MDN1: variants seen among roughly 807,000 people sequenced by gnomAD.
The protein encoded by MDN1 is midasin AAA ATPase 1.
Under a neutral mutation model 669.2 loss-of-function variants are expected in MDN1, and 266 were observed. The ratio of observed to expected loss-of-function variants is 0.40; its 90% confidence interval spans 0.36 to 0.44. MDN1 has a LOEUF of 0.44. MDN1 is among the 20% of genes least tolerant of loss of function. The probability of loss-of-function intolerance (pLI) is 1.00; values close to 1 mark genes in which losing one functional copy is unlikely to be tolerated. For missense variants in MDN1, 5,940 were observed against 6,754.0 expected (o/e 0.88, Z 4.22); for synonymous variants, 2,385 against 2,457.1 (o/e 0.97, Z 0.87).
Position 89,658,624 on chromosome 6 carries a change from C to T in MDN1, c.15007G>A (p.Gly5003Ser), listed in dbSNP as rs1454148074. 6.2e-7 allele frequency: 1 copy of T among 1,606,944 alleles called. No homozygotes were observed. Residue 5003 changes from glycine to serine, a missense_variant, in exon 89 of 102, where the codon GGT becomes AGT. Physicochemically the swap from Gly to Ser is moderately conservative, Grantham distance 56. This residue lies in a region of MDN1 where 2,280 missense variants were observed against 2,576.3 expected (regional missense o/e 0.88). Transcript: ENST00000369393. ...EGGENGPADQ[G>S]FQPQEEEERE... ...TCTCATGATACCTGGGGCTGGAAAC[C>T]TTGGTCAGCAGGGCCATTCTCTCCA...
chr6:89,673,207 TC>T, intron 80 of MDN1, 28 bp downstream of exon 80: 1 of 1,560,512 alleles, frequency 6.4e-7, no homozygotes, highest in Non-Finnish European at 8.8e-7. Context: ...CACTGGACTT[TC>T]ATTCCCTGAC....
rs1817880879 is a variant in MDN1, at chr6:89,767,918, G to A, written c.2144+3643C>T. Among the ~76,000 whole-genome samples, 2 of 151,950 alleles carry A rather than the reference G, an allele frequency of 1.3e-5. 1 individual carries two copies. The highest frequency in any genetic ancestry group is 4.1e-4 in the South Asian group (2 of 4,822). On this transcript the variant is annotated intron_variant, in intron 15 of 101. Coordinates refer to ENST00000369393, the MANE Select transcript of MDN1 (RefSeq NM_014611.3). ...TAGCTGGGTATGGTGGCACATGCCTGTAGTCCCAACTACTCAGGAGGGCCT... is the reference window on the plus strand; with the variant it reads ...TAGCTGGGTATGGTGGCACATGCCTATAGTCCCAACTACTCAGGAGGGCCT...
Position 89,673,303 on chromosome 6 carries a change from T to G in MDN1, c.13407A>C (p.Glu4469Asp), listed in dbSNP as rs769599075. 3 of 1,614,218 alleles carry G rather than the reference T, an allele frequency of 1.9e-6. No individual in the cohort carries two copies. Among genetic ancestry groups the G allele is most frequent in the Non-Finnish European group, 2.5e-6 (3 of 1,180,026 alleles). The change falls in exon 80 of 102, where the codon GAA (glutamate) becomes GAC (aspartate). Residue 4469 changes from glutamate (E) to aspartate (D), a missense_variant. This residue lies in a region of MDN1 where 2,280 missense variants were observed against 2,576.3 expected (regional missense o/e 0.88). Transcript: ENST00000369393. ...LVESLEYVRG[E>D]ISKAMADFTT... The stretch of plus-strand genomic sequence containing the variant: ...TAAAGTCAGCCATGGCTTTACTAAT[T>G]TCTCCTCTTACATATTCCAGACTTT...
At chr6:89,720,406 A>T (rs1029529487) in intron 40 of MDN1, among the ~76,000 whole-genome samples, 5 of 152,248 alleles carry the variant, frequency 3.3e-5, no homozygotes, top group African/African-American at 1.2e-4. Context: ...TCTCAAAAAA[A>T]AAAAAAAAAA....
rs372167891 is a variant in MDN1 at position 89,684,920 on chromosome 6, C to T, written c.11785G>A (p.Ala3929Thr). Residue 3929 changes from alanine to threonine, a missense_variant, in exon 71 of 102, where the codon GCC becomes ACC. Ala to Thr is a moderately conservative substitution (Grantham distance 58). Around this residue, in one of 5 missense-constraint regions of MDN1, gnomAD observed 2,280 missense variants for 2,576.3 expected, o/e 0.88. Coordinates refer to ENST00000369393, the MANE Select transcript of MDN1 (RefSeq NM_014611.3). ...YYKQFFDRVQAKIVELRSPLE... is the reference protein window; with the variant it reads ...YYKQFFDRVQTKIVELRSPLE... ...GGGGAACGAAGTTCCACAATTTTGGCCTGGACCCGGTCAAAGAATTGCTTG... is the reference window on the plus strand; with the variant it reads ...GGGGAACGAAGTTCCACAATTTTGGTCTGGACCCGGTCAAAGAATTGCTTG... 1.7e-5 allele frequency: 28 copies of T among 1,613,272 alleles called. No individual in the cohort carries two copies. In the African/African-American group the frequency reaches 3.2e-4, roughly 18 times the overall value.
intron 29 of MDN1, among the ~76,000 whole-genome samples, chr6:89,744,080 G>A (rs1343012159): frequency 7.4e-6 from 1 of 135,166 alleles, no homozygotes; most frequent in African/African-American, 2.7e-5. Flanking sequence ...TCCAGCCTGG[G>A]TAACAAGAGC....
At chr6:89,794,426 T>C in intron 3 of MDN1, 151 bp downstream of exon 3, 3 of 750,752 alleles carry the variant, frequency 4.0e-6, no homozygotes, top group Non-Finnish European at 6.5e-6. Context: ...CAATGACACA[T>C]GATTAAAGAA....
At chr6:89,662,279 TCCA>T in intron 86 of MDN1, 40 bp from the exon 87 acceptor site, 1 of 1,583,234 alleles carries the variant, frequency 6.3e-7, no homozygotes. Context: ...TCACACTCAA[TCCA>T]AGAAACTGCT....
At chr6:89,778,418 A>G (rs1258079215) in intron 11 of MDN1, among the ~76,000 whole-genome samples, 1 of 152,140 alleles carries the variant, frequency 6.6e-6, no homozygotes, top group South Asian at 2.1e-4. Context: ...CACCCCTAAA[A>G]TTCAGTAATA....
rs1269472827 is a variant in MDN1 at position 89,650,186 on chromosome 6, T to G, written c.16044A>C (p.Arg5348=). The G allele has an allele frequency of 6.2e-7, 1 of 1,614,028 alleles. No homozygotes were observed. The highest frequency in any genetic ancestry group is 1.3e-5 in the African/African-American group (1 of 75,056). Residue 5348 remains arginine (R), a synonymous_variant, in exon 97 of 102, where the codon CGA becomes CGC. Transcript: ENST00000369393. ...TQAAKLKGDY[R]TGKRLNIRKV... Reference sequence around the variant, plus strand: ...TCCGTATGTTTAGTCGTTTCCCAGTTCGATAGTCTCCTCTATTTATTCAAA... The same window carrying G: ...TCCGTATGTTTAGTCGTTTCCCAGTGCGATAGTCTCCTCTATTTATTCAAA...
At position 89,702,026 on chromosome 6, in the gene MDN1, CCA is replaced by C. The variant is rs780870897; in HGVS notation, c.8182_8183del (p.Trp2728AspfsTer39). The C allele has an allele frequency of 6.2e-7, 1 of 1,612,680 alleles. No individual in the cohort carries two copies. The highest frequency in any genetic ancestry group is 1.1e-5 in the South Asian group (1 of 90,834). On this transcript the variant is annotated frameshift_variant, in exon 54 of 102. Coordinates refer to ENST00000369393, the MANE Select transcript of MDN1 (RefSeq NM_014611.3). LOFTEE classifies it high-confidence loss of function. Reference sequence around the variant, plus strand: ...CTACTTTTACTGTGTCGGCCACAGTCCAGAACCGGTCCCGCCACCGCAGAGAA... The same window carrying C: ...CTACTTTTACTGTGTCGGCCACAGTCGAACCGGTCCCGCCACCGCAGAGAA... The part of the protein sequence containing the change: ...LGSLRWRDRF[W>X]TVADTVKVDA...
intron 76 of MDN1, among the ~76,000 whole-genome samples, 153 bp from the exon 77 acceptor site, chr6:89,676,360 T>C (rs1052706155): frequency 3.3e-5 from 5 of 152,236 alleles, no homozygotes; most frequent in African/African-American, 1.2e-4. Context: ...GAGGCACTCA[T>C]TAGTCCTTTA....
rs1274023107 is a variant in MDN1 at position 89,695,527 on chromosome 6, G to A, written c.9771+78C>T. The A allele has an allele frequency of 2.0e-6, 3 of 1,496,518 alleles. No homozygotes were observed. Among genetic ancestry groups the A allele is most frequent in the African/African-American group, 1.4e-5 (1 of 71,432 alleles). The allele number at this position is 1,496,518 out of a possible 1,614,324, so 92.7% of individuals were successfully genotyped here. A position where few individuals can be genotyped will look rare whatever the true frequency, so the allele number is the denominator to read the frequency against. ...TGTGATGATCTGAGCACCCAAAAGG[G>A]AATAAAAGGAGTAATACAATAAGCA... is the stretch of plus-strand genomic sequence containing the variant. On this transcript the variant is annotated intron_variant, in intron 61 of 101. Coordinates refer to ENST00000369393, the MANE Select transcript of MDN1 (RefSeq NM_014611.3). This position sits in a 1 kb window ranked among gnomAD's most constrained non-coding sequence, Gnocchi z 4.1.
At chr6:89,726,995 T>C (rs758720157) in intron 37 of MDN1, among the ~76,000 whole-genome samples, 4 of 152,178 alleles carry the variant, frequency 2.6e-5, no homozygotes, top group Non-Finnish European at 5.9e-5. Context: ...TTCCACTAAA[T>C]ACTAAGTATG....
chr6:89,741,313 A>T (rs556741735), intron 31 of MDN1, among the ~76,000 whole-genome samples: 1 of 152,290 alleles, frequency 6.6e-6, no homozygotes, highest in South Asian at 2.1e-4. Context: ...GTGAGAAAAA[A>T]GTCTAACAAA....
chr6:89,792,242 G>A (rs184650994), intron 5 of MDN1, among the ~76,000 whole-genome samples: 230 of 152,254 alleles, frequency 1.5e-3, no homozygotes, highest in African/African-American at 5.3e-3. Context: ...CCTTAAAGGG[G>A]TAGTAAGTTC....
At position 89,648,092 on chromosome 6, in the gene MDN1, G is replaced by A. The variant is rs34703897; in HGVS notation, c.16335C>T (p.Tyr5445=). Residue 5445 remains tyrosine (Y), a synonymous_variant, in exon 99 of 102, where the codon TAC becomes TAT. Transcript: ENST00000369393. The part of the protein sequence containing the change: ...LHPFHEQFSD[Y]SGSQILRLCK... ...AGAGACGTAGAATCTGGGACCCAGA[G>A]TAATCACTGAACTGCTCATGAAATG... The A allele has an allele frequency of 4.4e-4, 715 of 1,614,194 alleles. 5 individuals are homozygous for A. In the African/African-American group the frequency reaches 8.2e-3, roughly 19 times the overall value.
chr6:89,781,395 G>A lies in MDN1; in HGVS notation c.1643+4C>T, dbSNP rs371065000. On this transcript the variant is annotated splice_donor_region_variant and intron_variant, in intron 10 of 101. Coordinates refer to ENST00000369393, the MANE Select transcript of MDN1 (RefSeq NM_014611.3). ...AGAAAAGAAAAAACTGTTTAGTCCA[G>A]TACCTTAGAGATAATTCTCTTCCCT... 1.4e-4 allele frequency: 218 copies of A among 1,612,034 alleles called. No individual in the cohort carries two copies. Among genetic ancestry groups the A allele is most frequent in the Middle Eastern group, 1.2e-3 (7 of 6,082 alleles).
chr6:89,724,095 A>C (rs752512392), intron 38 of MDN1, among the ~76,000 whole-genome samples: 13 of 152,098 alleles, frequency 8.5e-5, no homozygotes, highest in Non-Finnish European at 1.6e-4. Context: ...GTGAGCCAAG[A>C]TCACGCCACT....
Sources: gnomAD v4.1 joint callset for allele counts (sites outside exome capture counted in the v4.1 genomes callset) on GRCh38, gnomAD v4.1.1 for gene constraint, gnomAD v4.1.1 regional missense constraint, Gnocchi (gnomAD v3.1) non-coding constraint, MANE v1.5 for transcripts, NCBI Gene and HGNC (gene_info 2026-07-23, HGNC 2026-07-21) for gene names.